The following SLC24A2 variants were observed in gnomAD, a reference collection of about 807,000 sequenced individuals.
SLC24A2 encodes solute carrier family 24 member 2, also known as sodium/potassium/calcium exchanger 2.
SLC24A2 carries 36 observed loss-of-function variants against 62.0 expected under a neutral mutation model. The observed-to-expected ratio is 0.58, with a 90% CI of 0.44 to 0.77. The LOEUF (loss-of-function observed/expected upper bound fraction) is 0.77. Among genes scored for constraint, SLC24A2 ranks in the 30% least tolerant of loss-of-function variants. The pLI is 0.00. For synonymous variants in SLC24A2, 358 were observed against 294.0 expected (o/e 1.22, Z -2.23); for missense variants, 846 against 817.9 (o/e 1.03, Z -0.42).
chr9:20,305,929 A>T, the SLC24A2 span, among the ~76,000 whole-genome samples: 1 of 152,070 alleles, frequency 6.6e-6, no homozygotes, highest in Non-Finnish European at 1.5e-5. Context: ...ATAGATGGCC[A>T]TCTTCTCCCT....
chr9:19,637,673 T>A lies in SLC24A2; in HGVS notation c.931-15374A>T, dbSNP rs1054380995. Among the ~76,000 whole-genome samples, 4 of 152,234 alleles carry A rather than the reference T, an allele frequency of 2.6e-5. No homozygotes were observed. The South Asian group carries it at 8.3e-4, about 31-fold the overall frequency. On this transcript the variant is annotated intron_variant, in intron 2 of 10. Transcript: ENST00000341998. ...AAGTAGTTGTTCCCTAGTTTTAGAA[T>A]GATCAGTATCTCCTTAGCTTCTTTG...
chr9:20,073,924 A>ATATATATATATATATATATATATATATG, the SLC24A2 span, among the ~76,000 whole-genome samples: 1 of 144,116 alleles, frequency 6.9e-6, no homozygotes, highest in African/African-American at 2.7e-5. Flanking sequence ...GGGGAGATAT[A>ATATATATATATATATATATATATATATG]TATATATATA....
At chr9:19,675,017 T>C (rs13289648) in intron 2 of SLC24A2, among the ~76,000 whole-genome samples, 60,328 of 152,060 alleles carry the variant, frequency 0.4, 14,504 homozygotes, top group East Asian at 0.75. Context: ...GCTCAAGGGC[T>C]GCTCTTCAGA....
At chr9:20,143,355 A>G in the SLC24A2 span, among the ~76,000 whole-genome samples, 1 of 152,190 alleles carries the variant, frequency 6.6e-6, no homozygotes, top group Admixed American at 6.5e-5. Context: ...AAACTGAACA[A>G]AGAAACAAAA....
the SLC24A2 span, among the ~76,000 whole-genome samples, chr9:19,822,275 G>T: frequency 2.0e-5 from 3 of 152,116 alleles, no homozygotes; most frequent in Admixed American, 6.6e-5. Flanking sequence ...TGCCAATCAG[G>T]CTTGGCCTGC....
intron 2 of SLC24A2, among the ~76,000 whole-genome samples, chr9:19,658,830 G>A (rs940774458): frequency 6.6e-6 from 1 of 152,098 alleles, no homozygotes; most frequent in Admixed American, 6.6e-5. Context: ...CCAAGGGCTG[G>A]TTTCTCTCCC....
the SLC24A2 span, among the ~76,000 whole-genome samples, chr9:20,073,461 A>T: frequency 6.6e-6 from 1 of 152,122 alleles, no homozygotes; most frequent in Non-Finnish European, 1.5e-5. Context: ...CTAATCACAG[A>T]TATCCCATTC....
At chr9:19,687,264 C>T (rs1265991729) in intron 2 of SLC24A2, among the ~76,000 whole-genome samples, 1 of 152,016 alleles carries the variant, frequency 6.6e-6, no homozygotes, top group Non-Finnish European at 1.5e-5. Flanking sequence ...TGCACATGTT[C>T]CCCGAACCTA....
At chr9:19,663,701 G>A (rs999561513) in intron 2 of SLC24A2, among the ~76,000 whole-genome samples, 28 of 152,144 alleles carry the variant, frequency 1.8e-4, no homozygotes, top group African/African-American at 6.8e-4. Context: ...CATTAAGTGC[G>A]TCTGCCACTC....
chr9:19,718,196 C>T (rs982428609), intron 2 of SLC24A2, among the ~76,000 whole-genome samples: 4 of 150,148 alleles, frequency 2.7e-5, no homozygotes, highest in African/African-American at 7.3e-5. Context: ...AGGCTGGTGT[C>T]GAACTGCTGA....
the SLC24A2 span, among the ~76,000 whole-genome samples, chr9:20,026,429 A>G: frequency 1.3e-5 from 2 of 152,198 alleles, no homozygotes; most frequent in African/African-American, 2.4e-5. Context: ...ATTAGCTATT[A>G]TTTTATCACA....
the SLC24A2 span, among the ~76,000 whole-genome samples, chr9:19,837,320 C>T: frequency 1.6e-3 from 247 of 150,916 alleles, 3 homozygotes; most frequent in African/African-American, 5.0e-3. Context: ...GGTGCGGTGG[C>T]GGGCGCCTGT....
the SLC24A2 span, among the ~76,000 whole-genome samples, chr9:19,859,753 G>A: frequency 5.3e-5 from 8 of 152,316 alleles, no homozygotes; most frequent in African/African-American, 1.9e-4. Flanking sequence ...CCTTGCAGTG[G>A]CAGCATTGTG....
intron 2 of SLC24A2, among the ~76,000 whole-genome samples, chr9:19,685,334 C>A (rs1167159819): frequency 6.6e-6 from 1 of 152,068 alleles, no homozygotes; most frequent in Non-Finnish European, 1.5e-5. Flanking sequence ...GGCCATACTG[C>A]CCAAAGCAAT....
the SLC24A2 span, among the ~76,000 whole-genome samples, chr9:20,036,883 T>C: frequency 6.7e-6 from 1 of 148,188 alleles, no homozygotes; most frequent in African/African-American, 2.5e-5. Context: ...TATGTGTGTG[T>C]GTGTGTGCGT....
At chr9:19,796,427 A>G in the SLC24A2 span, among the ~76,000 whole-genome samples, 1 of 152,102 alleles carries the variant, frequency 6.6e-6, no homozygotes, top group Admixed American at 6.5e-5. Context: ...CATCTCCCAC[A>G]TGGTACTCAT....
intron 2 of SLC24A2, among the ~76,000 whole-genome samples, chr9:19,746,571 C>A (rs1218758130): frequency 6.6e-6 from 1 of 151,748 alleles, no homozygotes; most frequent in Non-Finnish European, 1.5e-5. Flanking sequence ...TAAAATATAC[C>A]CAAGGGCATA....
intron 2 of SLC24A2, among the ~76,000 whole-genome samples, chr9:19,733,927 C>T (rs1821418465): frequency 6.6e-6 from 1 of 151,828 alleles, no homozygotes; most frequent in African/African-American, 2.4e-5. Context: ...GTAATAAGTC[C>T]AGGAAGAAAA....
chr9:19,724,428 T>C (rs930335689), intron 2 of SLC24A2, among the ~76,000 whole-genome samples: 3 of 152,172 alleles, frequency 2.0e-5, no homozygotes, highest in African/African-American at 7.2e-5. Flanking sequence ...TCAATAAATA[T>C]TTGAAAGACA....
Sources: allele counts gnomAD v4.1 joint callset (sites outside exome capture counted in the v4.1 genomes callset), GRCh38; gene constraint gnomAD v4.1.1; transcripts MANE v1.5; gene names NCBI Gene and HGNC (gene_info 2026-07-23, HGNC 2026-07-21).